BMPR1A: variants seen among roughly 807,000 people sequenced by gnomAD.
BMPR1A encodes bone morphogenetic protein receptor type 1A.
In BMPR1A, 7 loss-of-function variants were observed where a neutral mutation model predicts 66.0. The ratio of observed to expected loss-of-function variants is 0.11; its 90% CI spans 0.06 to 0.20. The LOEUF (loss-of-function observed/expected upper bound fraction) is 0.20, where lower values mean the gene tolerates loss of function less well. BMPR1A is among the 10% of genes least tolerant of loss of function. The pLI, the probability that BMPR1A is intolerant of heterozygous loss-of-function variation, is 1.00. For synonymous variants in BMPR1A, 200 were observed against 229.7 expected (o/e 0.87, Z 1.17); for missense variants, 408 against 669.1 (o/e 0.61, Z 4.31).
At chr10:86,810,078 C>A (rs548654310) in intron 1 of BMPR1A, among the ~76,000 whole-genome samples, 3 of 152,158 alleles carry the variant, frequency 2.0e-5, no homozygotes, top group Admixed American at 6.5e-5. Flanking sequence ...TCAAGCGATT[C>A]TTGTGTCTCA....
intron 2 of BMPR1A, chr10:86,855,694 C>T: frequency 1.4e-6 from 1 of 729,148 alleles, no homozygotes; most frequent in Non-Finnish European, 2.4e-6. Flanking sequence ...CAGTGACATC[C>T]ACTACTGTCT....
chr10:86,893,632 C>CA (rs1843185398), intron 5 of BMPR1A, among the ~76,000 whole-genome samples: 2 of 152,060 alleles, frequency 1.3e-5, no homozygotes, highest in East Asian at 1.9e-4. Context: ...ACTAAAAATA[C>CA]AAAAAATTAG....
intron 2 of BMPR1A, among the ~76,000 whole-genome samples, chr10:86,853,418 TTAC>T (rs1281380091): frequency 6.6e-6 from 1 of 152,158 alleles, no homozygotes; most frequent in Non-Finnish European, 1.5e-5. Context: ...TTATGAAAAT[TTAC>T]TAGGGGCAAA....
At chr10:86,921,924 T>C (rs1235773691) in intron 11 of BMPR1A, among the ~76,000 whole-genome samples, 1 of 152,228 alleles carries the variant, frequency 6.6e-6, no homozygotes, top group Non-Finnish European at 1.5e-5. Context: ...CAACCAGTTA[T>C]ACTCCTTGAG....
intron 1 of BMPR1A, among the ~76,000 whole-genome samples, chr10:86,798,652 A>G (rs974234282): frequency 1.3e-5 from 2 of 152,240 alleles, no homozygotes; most frequent in Non-Finnish European, 2.9e-5. Context: ...ATCTTAAAGG[A>G]ACCACTTCAC....
intron 2 of BMPR1A, among the ~76,000 whole-genome samples, chr10:86,844,804 T>G (rs554965143): frequency 4.7e-4 from 71 of 152,288 alleles, no homozygotes; most frequent in Non-Finnish European, 2.2e-4. Flanking sequence ...TAGATGGAGT[T>G]TCACTCTTGT....
At chr10:86,910,422 A>G (rs1843462402) in intron 7 of BMPR1A, among the ~76,000 whole-genome samples, 1 of 152,198 alleles carries the variant, frequency 6.6e-6, no homozygotes, top group Non-Finnish European at 1.5e-5. Flanking sequence ...CTAGCCATTA[A>G]AGAAAAAGGT....
chr10:86,833,449 C>G (rs1449835204), intron 1 of BMPR1A, among the ~76,000 whole-genome samples: 1 of 151,872 alleles, frequency 6.6e-6, no homozygotes, highest in African/African-American at 2.4e-5. Flanking sequence ...TTTAAAGATA[C>G]GTGTATCAGA....
chr10:86,779,643 A>C (rs925419871), intron 1 of BMPR1A, among the ~76,000 whole-genome samples: 1 of 152,138 alleles, frequency 6.6e-6, no homozygotes, highest in Non-Finnish European at 1.5e-5. Flanking sequence ...TCTGTTGCCC[A>C]GGCTGGAATG....
chr10:86,819,956 A>G (rs1328833525), intron 1 of BMPR1A, among the ~76,000 whole-genome samples: 1 of 152,204 alleles, frequency 6.6e-6, no homozygotes, highest in African/African-American at 2.4e-5. Flanking sequence ...AGCTCTGGCA[A>G]AAGGTGAATC....
intron 1 of BMPR1A, among the ~76,000 whole-genome samples, chr10:86,810,308 A>T (rs1016689374): frequency 6.6e-6 from 1 of 152,080 alleles, no homozygotes; most frequent in African/African-American, 2.4e-5. Flanking sequence ...TGTGTAGAGT[A>T]ATGTATTCAT....
chr10:86,756,846 C>T lies in BMPR1A; in HGVS notation c.-341C>T, dbSNP rs1847877235. 2 of 151,880 alleles carry T rather than the reference C, an allele frequency of 1.3e-5. No homozygotes were observed. Among genetic ancestry groups the T allele is most frequent in the South Asian group, 4.1e-4 (2 of 4,830 alleles). The allele number at this position is 151,880 out of a possible 1,614,324, so 9.4% of individuals were successfully genotyped here. A position where few individuals can be genotyped will look rare whatever the true frequency, so the allele number is the denominator to read the frequency against. On this transcript the variant is annotated 5_prime_UTR_variant, in exon 1 of 13. Coordinates refer to ENST00000372037, the MANE Select transcript of BMPR1A (RefSeq NM_004329.3). Reference sequence around the variant, plus strand: ...CAAGGGCGAAGGCCGATTCGGGCCCCACTTCGCCCCGGCGGCTCGCCGCGC... The same window carrying T: ...CAAGGGCGAAGGCCGATTCGGGCCCTACTTCGCCCCGGCGGCTCGCCGCGC...
intron 2 of BMPR1A, among the ~76,000 whole-genome samples, chr10:86,872,029 T>G (rs1842860880): frequency 6.6e-6 from 1 of 152,210 alleles, no homozygotes; most frequent in Non-Finnish European, 1.5e-5. Flanking sequence ...ATGGTTGTCC[T>G]GTTTGATTAC....
chr10:86,776,512 G>T (rs1261011861), intron 1 of BMPR1A, among the ~76,000 whole-genome samples: 5 of 152,154 alleles, frequency 3.3e-5, no homozygotes, highest in African/African-American at 1.2e-4. Flanking sequence ...TTGAAACTTG[G>T]TTCACACTGG....
At chr10:86,771,973 C>A (rs1209611945) in intron 1 of BMPR1A, among the ~76,000 whole-genome samples, 1 of 151,792 alleles carries the variant, frequency 6.6e-6, no homozygotes, top group Non-Finnish European at 1.5e-5. Flanking sequence ...TTTTCCTTTG[C>A]ATCTTAAACA....
intron 3 of BMPR1A, among the ~76,000 whole-genome samples, chr10:86,881,310 G>A (rs7894397): frequency 0.034 from 5,124 of 152,200 alleles, 300 homozygotes; most frequent in African/African-American, 0.12. Flanking sequence ...TTTGAAAACT[G>A]GTAAATAGAG....
chr10:86,883,937 C>T (rs1843030149), intron 3 of BMPR1A, among the ~76,000 whole-genome samples: 1 of 147,726 alleles, frequency 6.8e-6, no homozygotes, highest in Admixed American at 6.8e-5. Context: ...TGCAGTGGCA[C>T]AATCTCAGCT....
At chr10:86,857,247 A>C (rs1455605767) in intron 2 of BMPR1A, among the ~76,000 whole-genome samples, 2 of 152,158 alleles carry the variant, frequency 1.3e-5, no homozygotes, top group African/African-American at 4.8e-5. Context: ...TCTTGTTAGC[A>C]TAATCTCCCC....
chr10:86,903,253 A>G (rs1489267684), intron 7 of BMPR1A, among the ~76,000 whole-genome samples: 1 of 152,234 alleles, frequency 6.6e-6, no homozygotes, highest in Admixed American at 6.5e-5. Context: ...CAGAACTGAT[A>G]TAGACCTTAG....
Sources: allele counts gnomAD v4.1 joint callset (sites outside exome capture counted in the v4.1 genomes callset), GRCh38; gene constraint gnomAD v4.1.1; transcripts MANE v1.5; gene names NCBI Gene and HGNC (gene_info 2026-07-23, HGNC 2026-07-21).